The following KCNB2 variants were observed in gnomAD, a reference collection of about 807,000 sequenced individuals.
KCNB2 encodes delayed rectifier potassium channel protein.
KCNB2 carries 15 observed loss-of-function variants against 61.5 expected under a neutral mutation model. The observed-to-expected ratio is 0.24, with a 90% CI of 0.16 to 0.38. The LOEUF (loss-of-function observed/expected upper bound fraction) is 0.38. Ranked by LOEUF, KCNB2 falls within the 10% of genes least tolerant of loss-of-function variation. The probability of loss-of-function intolerance (pLI) is 1.00; values close to 1 mark genes in which losing one functional copy is unlikely to be tolerated. For synonymous variants in KCNB2, 457 were observed against 446.0 expected (o/e 1.02, Z -0.31); for missense variants, 828 against 1,125.2 (o/e 0.74, Z 3.78).
In KCNB2 at chr8:72,937,630, G is replaced by A. The variant is rs768925064; in HGVS notation, c.2275G>A (p.Glu759Lys). 34 of 1,613,822 alleles carry A rather than the reference G, an allele frequency of 2.1e-5. No individual in the cohort carries two copies. Among genetic ancestry groups the A allele is most frequent in the Non-Finnish European group, 2.3e-5 (27 of 1,179,994 alleles). The part of the protein sequence containing the change: ...PQHISTILLE[E>K]TPSQGDRPLL... ...GCACATCAGTACCATCCTCTTAGAA[G>A]AAACCCCCTCCCAGGGAGACAGACC... Residue 759 changes from glutamate (E) to lysine (K), a missense_variant, in exon 3 of 3, where the codon GAA (glutamate) becomes AAA (lysine). Coordinates refer to ENST00000523207, the MANE Select transcript of KCNB2 (RefSeq NM_004770.3).
At chr8:72,848,743 AT>A (rs1350024269) in intron 2 of KCNB2, among the ~76,000 whole-genome samples, 4 of 152,090 alleles carry the variant, frequency 2.6e-5, no homozygotes, top group African/African-American at 9.7e-5. Context: ...AAAATTCAAT[AT>A]TAAATTCATT....
intron 2 of KCNB2, among the ~76,000 whole-genome samples, chr8:72,676,929 C>G (rs1321565598): frequency 6.6e-6 from 1 of 152,122 alleles, no homozygotes; most frequent in Non-Finnish European, 1.5e-5. Flanking sequence ...TTCCCCCCAC[C>G]CCTGCCAAAT....
intron 2 of KCNB2, among the ~76,000 whole-genome samples, chr8:72,730,810 T>C (rs1273315684): frequency 6.6e-6 from 1 of 152,222 alleles, no homozygotes; most frequent in Non-Finnish European, 1.5e-5. Context: ...CCAGCCAACT[T>C]GGACAATTTC....
At chr8:72,803,856 G>A (rs1378921007) in intron 2 of KCNB2, among the ~76,000 whole-genome samples, 2 of 152,212 alleles carry the variant, frequency 1.3e-5, no homozygotes. Flanking sequence ...AGAGAAAGCA[G>A]GAAGGAAGAG....
intron 2 of KCNB2, among the ~76,000 whole-genome samples, chr8:72,765,781 G>C (rs905416482): frequency 2.6e-5 from 4 of 152,164 alleles, no homozygotes; most frequent in African/African-American, 9.7e-5. Flanking sequence ...GACACTAATT[G>C]GTGGGCCATA....
chr8:72,802,125 A>G (rs894013736), intron 2 of KCNB2, among the ~76,000 whole-genome samples: 2 of 152,122 alleles, frequency 1.3e-5, no homozygotes, highest in Non-Finnish European at 2.9e-5. Context: ...CTTCTTTTCA[A>G]TTGTTACGTA....
chr8:72,861,010 T>G (rs1805398240), intron 2 of KCNB2, among the ~76,000 whole-genome samples: 1 of 152,236 alleles, frequency 6.6e-6, no homozygotes, highest in African/African-American at 2.4e-5. Context: ...TCTCACAAAT[T>G]AGTACATTAC....
intron 2 of KCNB2, among the ~76,000 whole-genome samples, chr8:72,926,114 G>A (rs530387445): frequency 9.9e-5 from 15 of 152,260 alleles, no homozygotes; most frequent in Non-Finnish European, 1.8e-4. Flanking sequence ...GTTGGGGGAG[G>A]GAGAGCATCA....
At chr8:72,616,222 C>A (rs1805616906) in intron 2 of KCNB2, among the ~76,000 whole-genome samples, 1 of 152,140 alleles carries the variant, frequency 6.6e-6, no homozygotes. Flanking sequence ...ATTTCTTGCC[C>A]ATTCAAGCTT....
chr8:72,792,913 A>T (rs1211790002), intron 2 of KCNB2, among the ~76,000 whole-genome samples: 1 of 152,210 alleles, frequency 6.6e-6, no homozygotes, highest in African/African-American at 2.4e-5. Flanking sequence ...TATCCTTCTG[A>T]TTAAATATCT....
chr8:72,810,963 T>G (rs1254200480), intron 2 of KCNB2, among the ~76,000 whole-genome samples: 3 of 152,200 alleles, frequency 2.0e-5, no homozygotes, highest in Non-Finnish European at 4.4e-5. Flanking sequence ...CAAGTCACAG[T>G]TATCAAGCTA....
At chr8:72,764,109 G>A (rs758555780) in intron 2 of KCNB2, among the ~76,000 whole-genome samples, 1 of 152,076 alleles carries the variant, frequency 6.6e-6, no homozygotes, top group Non-Finnish European at 1.5e-5. Context: ...AGGGGTGAAA[G>A]TGGAAAGGAG....
intron 2 of KCNB2, among the ~76,000 whole-genome samples, chr8:72,804,030 C>A (rs557599374): frequency 1.3e-5 from 2 of 152,088 alleles, no homozygotes; most frequent in African/African-American, 4.8e-5. Flanking sequence ...GTGGACATGG[C>A]GGGAGAGGGT....
chr8:72,755,554 T>C (rs1808274716), intron 2 of KCNB2, among the ~76,000 whole-genome samples: 1 of 152,184 alleles, frequency 6.6e-6, no homozygotes. Flanking sequence ...ACCAGACACT[T>C]CTTCAAGGAG....
intron 2 of KCNB2, among the ~76,000 whole-genome samples, chr8:72,790,647 C>T (rs185344287): frequency 1.1e-4 from 17 of 152,132 alleles, no homozygotes; most frequent in African/African-American, 3.6e-4. Flanking sequence ...CCAGAGAGAA[C>T]GGGTGGTTTT....
chr8:72,912,521 T>C (rs1040928329), intron 2 of KCNB2, among the ~76,000 whole-genome samples: 2 of 145,598 alleles, frequency 1.4e-5, no homozygotes, highest in African/African-American at 5.0e-5. Flanking sequence ...TATATATGAG[T>C]AATATATAAT....
chr8:72,668,313 AG>A (rs1272217144), intron 2 of KCNB2, among the ~76,000 whole-genome samples: 4 of 152,182 alleles, frequency 2.6e-5, no homozygotes, highest in African/African-American at 9.6e-5. Flanking sequence ...CAGCTTCTCC[AG>A]AGGCCACATT....
intron 2 of KCNB2, among the ~76,000 whole-genome samples, chr8:72,616,019 A>T (rs1240521483): frequency 6.6e-6 from 1 of 152,190 alleles, no homozygotes; most frequent in Non-Finnish European, 1.5e-5. Flanking sequence ...CTTTATCTCC[A>T]GTTCATGAAA....
chr8:72,644,771 A>G (rs752381726), intron 2 of KCNB2, among the ~76,000 whole-genome samples: 23 of 152,168 alleles, frequency 1.5e-4, no homozygotes, highest in Admixed American at 9.2e-4. Context: ...CATGTACTTT[A>G]TCTCATTTAG....
Sources: allele counts gnomAD v4.1 joint callset (sites outside exome capture counted in the v4.1 genomes callset), GRCh38; gene constraint gnomAD v4.1.1; transcripts MANE v1.5; gene names NCBI Gene and HGNC (gene_info 2026-07-23, HGNC 2026-07-21).